BTBD9: variants seen among roughly 807,000 people sequenced by gnomAD.
BTBD9 encodes BTB/POZ domain-containing protein 9.
BTBD9 carries 49 observed loss-of-function variants against 64.3 expected under a neutral mutation model. The observed-to-expected ratio is 0.76, with a 90% confidence interval of 0.61 to 0.97. BTBD9 has a LOEUF of 0.97. Ranked by LOEUF, BTBD9 falls within the 50% of genes least tolerant of loss-of-function variation. BTBD9 has a pLI of 0.00. For synonymous variants in BTBD9, 260 were observed against 274.7 expected, an observed-to-expected ratio of 0.95 and a Z score of 0.53; for missense variants, 598 against 762.1, an observed-to-expected ratio of 0.78 and a Z score of 2.53.
intron 6 of BTBD9, among the ~76,000 whole-genome samples, chr6:38,371,541 G>T (rs1447156808): frequency 6.6e-6 from 1 of 152,162 alleles, no homozygotes; most frequent in African/African-American, 2.4e-5. Flanking sequence ...AGAGGCACAG[G>T]GTGAACGAGA....
chr6:38,351,739 T>C (rs140217346), intron 6 of BTBD9, among the ~76,000 whole-genome samples: 1,636 of 152,116 alleles, frequency 0.011, 13 homozygotes, highest in Middle Eastern at 0.044. Flanking sequence ...GACTTCGTGA[T>C]CTGCCCGCCT....
At chr6:38,336,257 G>GACC (rs1328449995) in intron 7 of BTBD9, among the ~76,000 whole-genome samples, 10 of 152,116 alleles carry the variant, frequency 6.6e-5, no homozygotes, top group Non-Finnish European at 1.5e-4. Flanking sequence ...CATTTTGTGT[G>GACC]AATCTCTCCT....
At position 38,594,102 on chromosome 6, in the gene BTBD9, A is replaced by T; in HGVS notation, c.411T>A (p.Leu137=). ...AAGTCATGCAGACATTCTGAATGTT[A>T]AGTATGGTGCAGAGATACTCAGAGG... ...DSTSEYLCTI[L]NIQNVCMTFD... The change falls in exon 3 of 11, where the codon CTT becomes CTA. Residue 137 remains leucine (L), a synonymous_variant. Transcript: ENST00000481247. 1.2e-6 allele frequency: 2 copies of T among 1,614,208 alleles called. No individual in the cohort carries two copies. The highest frequency in any genetic ancestry group is 1.7e-6 in the Non-Finnish European group (2 of 1,180,024).
rs545047108 is a variant in BTBD9 at position 38,430,641 on chromosome 6, G to A, written c.1155-85548C>T. ...AATGATCCTCCTGCCTAGGCCTCTT[G>A]AGTAGCTGGGACTACCCTAAGTATT... On this transcript the variant is annotated intron_variant, in intron 6 of 10. Transcript: ENST00000481247. Among the ~76,000 whole-genome samples, 3 of 151,948 alleles carry A rather than the reference G, an allele frequency of 2.0e-5. No individual in the cohort carries two copies. In the South Asian group the frequency reaches 6.2e-4, roughly 32 times the overall value.
intron 6 of BTBD9, among the ~76,000 whole-genome samples, chr6:38,536,479 T>C (rs1373157484): frequency 1.3e-5 from 2 of 152,132 alleles, no homozygotes; most frequent in African/African-American, 2.4e-5. Flanking sequence ...CTGCTAGGTA[T>C]ATACCCAAAA....
chr6:38,489,650 T>C (rs1771609967), intron 6 of BTBD9, among the ~76,000 whole-genome samples: 1 of 152,202 alleles, frequency 6.6e-6, no homozygotes, highest in Non-Finnish European at 1.5e-5. Context: ...TACCTCGCCC[T>C]CACCAACAGT....
chr6:38,615,544 C>T (rs1397155189), intron 1 of BTBD9, among the ~76,000 whole-genome samples: 1 of 152,132 alleles, frequency 6.6e-6, no homozygotes, highest in Non-Finnish European at 1.5e-5. Flanking sequence ...ACTTAGGATC[C>T]TTATCATTAC....
intron 9 of BTBD9, among the ~76,000 whole-genome samples, chr6:38,218,925 G>C (rs1309484400): frequency 1.3e-5 from 2 of 152,104 alleles, no homozygotes; most frequent in African/African-American, 4.8e-5. Context: ...CTTTTAGAAA[G>C]ACCATCTCCA....
At chr6:38,478,180 T>A (rs1770978328) in intron 6 of BTBD9, among the ~76,000 whole-genome samples, 1 of 152,082 alleles carries the variant, frequency 6.6e-6, no homozygotes, top group East Asian at 1.9e-4. Context: ...GTTTAAAAAT[T>A]TTACCACCAG....
chr6:38,315,790 G>A (rs1380822434), intron 7 of BTBD9, among the ~76,000 whole-genome samples: 1 of 152,214 alleles, frequency 6.6e-6, no homozygotes, highest in East Asian at 1.9e-4. Context: ...TTCTGCAGCT[G>A]TTGGATGAAA....
chr6:38,420,919 A>C (rs1213785995), intron 6 of BTBD9, among the ~76,000 whole-genome samples: 1 of 152,186 alleles, frequency 6.6e-6, no homozygotes, highest in African/African-American at 2.4e-5. Context: ...AAAAAGCACA[A>C]ACTTTTAAAA....
chr6:38,375,934 AGAAAGAAG>A (rs770074471), intron 6 of BTBD9, among the ~76,000 whole-genome samples: 5 of 115,604 alleles, frequency 4.3e-5, no homozygotes, highest in Non-Finnish European at 5.3e-5. Context: ...AAAGAAAGAA[AGAAAGAAG>A]GAAAGAAGGA....
rs144636640 is a variant in BTBD9 at position 38,391,035 on chromosome 6, G to A, written c.1155-45942C>T. Among the ~76,000 whole-genome samples the A allele has an allele frequency of 7.0e-3, 1,067 of 152,142 alleles. 4 individuals carry two copies. Among genetic ancestry groups the A allele is most frequent in the Non-Finnish European group, 0.012 (798 of 68,002 alleles). The stretch of plus-strand genomic sequence containing the variant: ...TATACTTATTGTCTCCGTAATCCTG[G>A]AATATCAAAGCTTCAAATCTTACCC... On this transcript the variant is annotated intron_variant, in intron 6 of 10. Transcript: ENST00000481247.
chr6:38,213,825 CA>C (rs1190180474), intron 9 of BTBD9, among the ~76,000 whole-genome samples: 1 of 151,040 alleles, frequency 6.6e-6, no homozygotes, highest in Non-Finnish European at 1.5e-5. Context: ...ACTAAAAATA[CA>C]AAAAAAATTA....
At chr6:38,567,614 G>T (rs1775581192) in intron 6 of BTBD9, among the ~76,000 whole-genome samples, 1 of 152,140 alleles carries the variant, frequency 6.6e-6, no homozygotes, top group African/African-American at 2.4e-5. Context: ...ACTGGGAGAT[G>T]AATTTTTAGA....
intron 6 of BTBD9, among the ~76,000 whole-genome samples, chr6:38,488,205 C>CTTAA (rs1312914077): frequency 6.6e-6 from 1 of 152,050 alleles, no homozygotes; most frequent in East Asian, 1.9e-4. Flanking sequence ...CCCACTTCGG[C>CTTAA]CCCCCAAAAG....
At chr6:38,408,439 A>G (rs1169863128) in intron 6 of BTBD9, among the ~76,000 whole-genome samples, 2 of 152,228 alleles carry the variant, frequency 1.3e-5, no homozygotes, top group African/African-American at 4.8e-5. Context: ...GGTTAAATAC[A>G]TTGAAGAGAA....
intron 4 of BTBD9, chr6:38,588,619 A>G (rs375806140): frequency 3.7e-6 from 1 of 269,102 alleles, no homozygotes. Flanking sequence ...GAAGTTCACA[A>G]ATTTTAAAAG....
At chr6:38,191,471 G>T (rs9470823) in intron 10 of BTBD9, among the ~76,000 whole-genome samples, 1 of 151,940 alleles carries the variant, frequency 6.6e-6, no homozygotes, top group Non-Finnish European at 1.5e-5. Context: ...AAGCTGTCAC[G>T]CTGGTTATTA....
Sources: gnomAD v4.1 joint callset for allele counts (sites outside exome capture counted in the v4.1 genomes callset) on GRCh38, gnomAD v4.1.1 for gene constraint, MANE v1.5 for transcripts, NCBI Gene and HGNC (gene_info 2026-07-23, HGNC 2026-07-21) for gene names.